ANKRD6: variants seen among roughly 807,000 people sequenced by gnomAD.
ANKRD6 encodes ankyrin repeat domain-containing protein 6.
ANKRD6 carries 56 observed loss-of-function variants against 82.3 expected under a neutral mutation model. The observed-to-expected ratio is 0.68, with a 90% CI of 0.55 to 0.85. The LOEUF is 0.85. Ranked by LOEUF, ANKRD6 falls within the 40% of genes least tolerant of loss-of-function variation. The pLI is 0.00. For missense variants in ANKRD6, 852 were observed against 907.6 expected (o/e 0.94, Z 0.79); for synonymous variants, 347 against 352.1 (o/e 0.99, Z 0.16).
chr6:89,488,184 A>G (rs991447687), intron 1 of ANKRD6, among the ~76,000 whole-genome samples: 3 of 152,232 alleles, frequency 2.0e-5, no homozygotes, highest in African/African-American at 7.2e-5. Flanking sequence ...CTTCACCTGT[A>G]TCCAGTGCAG....
At chr6:89,524,354 G>A (rs749461672) in intron 1 of ANKRD6, among the ~76,000 whole-genome samples, 3 of 151,666 alleles carry the variant, frequency 2.0e-5, no homozygotes, top group East Asian at 1.9e-4. Context: ...TTATGTCTTC[G>A]TGTCCTTAGC....
chr6:89,540,538 G>T (rs569604435), intron 1 of ANKRD6, among the ~76,000 whole-genome samples: 6 of 152,250 alleles, frequency 3.9e-5, no homozygotes, highest in Admixed American at 3.9e-4. Context: ...CCCTTGTCAG[G>T]TGGATAGTTT....
intron 1 of ANKRD6, among the ~76,000 whole-genome samples, chr6:89,517,903 CT>C (rs996888793): frequency 6.6e-6 from 1 of 152,184 alleles, no homozygotes; most frequent in African/African-American, 2.4e-5. Flanking sequence ...AGTTGCTTGA[CT>C]TTTTTGGATA....
intron 1 of ANKRD6, among the ~76,000 whole-genome samples, chr6:89,437,318 A>G (rs922114875): frequency 6.6e-6 from 1 of 151,994 alleles, no homozygotes; most frequent in Non-Finnish European, 1.5e-5. Context: ...GATAAGCCCG[A>G]CCAGTTCTTT....
intron 1 of ANKRD6, among the ~76,000 whole-genome samples, chr6:89,542,906 C>T (rs1387752151): frequency 6.6e-6 from 1 of 152,162 alleles, no homozygotes; most frequent in African/African-American, 2.4e-5. Flanking sequence ...CATTTTTGTT[C>T]TTCCTGTTTA....
intron 2 of ANKRD6, among the ~76,000 whole-genome samples, chr6:89,570,700 C>G (rs1371805671): frequency 1.3e-5 from 2 of 152,220 alleles, no homozygotes; most frequent in Non-Finnish European, 2.9e-5. Flanking sequence ...TCAAGATTCA[C>G]TCATGTAGCA....
chr6:89,491,282 T>TCCCTTCTGTAATTG, intron 1 of ANKRD6, among the ~76,000 whole-genome samples: 1 of 152,242 alleles, frequency 6.6e-6, no homozygotes, highest in Admixed American at 6.5e-5. Flanking sequence ...ACAGAAGGGA[T>TCCCTTCTGTAATTG]GGTGTTGGGA....
chr6:89,589,943 G>C (rs559009648), intron 2 of ANKRD6, among the ~76,000 whole-genome samples: 4 of 152,160 alleles, frequency 2.6e-5, no homozygotes, highest in Admixed American at 1.3e-4. Context: ...CACCCCTGCC[G>C]GCCTCAGATG....
chr6:89,623,901 A>G lies in ANKRD6; in HGVS notation c.1062A>G (p.Pro354=). ...CAGCATTTTCTGACCCCACCCCACC[A>G]GCCGACCAACAGCCTGGACACCAGA... ...KVSAFSDPTP[P]ADQQPGHQKN... The change falls in exon 12 of 16, where the codon CCA becomes CCG. Residue 354 remains proline (P), a synonymous_variant. Coordinates refer to ENST00000339746, the MANE Select transcript of ANKRD6 (RefSeq NM_001242809.2). The G allele has an allele frequency of 6.2e-7, 1 of 1,613,732 alleles. No homozygotes were observed. Among genetic ancestry groups the G allele is most frequent in the Non-Finnish European group, 8.5e-7 (1 of 1,179,778 alleles).
At chr6:89,499,784 C>A (rs375864791) in intron 1 of ANKRD6, among the ~76,000 whole-genome samples, 1 of 152,178 alleles carries the variant, frequency 6.6e-6, no homozygotes, top group African/African-American at 2.4e-5. Context: ...AACACCCTCA[C>A]GGTCCCCTTT....
At chr6:89,624,481 A>G (rs1332505220) in intron 12 of ANKRD6, 58 bp from the exon 13 acceptor site, 13 of 1,539,098 alleles carry the variant, frequency 8.4e-6, no homozygotes, top group Non-Finnish European at 1.1e-5. Flanking sequence ...ATGGTGCTCA[A>G]AACATACCTG....
At position 89,433,552 on chromosome 6, in the gene ANKRD6, A is replaced by C. The variant is rs993065290; in HGVS notation, c.-144+177A>C. On this transcript the variant is annotated intron_variant, in intron 1 of 15. Coordinates refer to ENST00000339746, the MANE Select transcript of ANKRD6 (RefSeq NM_001242809.2). The surrounding 1 kb of genome is among the most constrained non-coding windows in gnomAD (Gnocchi z 4.3). ...CTCGCCCCCTGGCCTGCGGCCTCCG[A>C]AAACGCCCGGCGCGAGGGGGTCCCC... 2.6e-5 allele frequency among the ~76,000 whole-genome samples: 4 copies of C among 151,872 alleles called. No homozygotes were observed. Among genetic ancestry groups the C allele is most frequent in the African/African-American group, 9.7e-5 (4 of 41,344 alleles).
chr6:89,500,056 T>C (rs1350551571), intron 1 of ANKRD6, among the ~76,000 whole-genome samples: 2 of 152,180 alleles, frequency 1.3e-5, no homozygotes, highest in Admixed American at 1.3e-4. Flanking sequence ...ACCCCAGTTT[T>C]ATGAGGCCTG....
intron 10 of ANKRD6, among the ~76,000 whole-genome samples, chr6:89,622,982 T>C (rs1804060448): frequency 8.1e-6 from 1 of 122,892 alleles, no homozygotes; most frequent in Non-Finnish European, 1.6e-5. Flanking sequence ...TTCTTACTCT[T>C]TGCCATGAGT....
At chr6:89,553,049 G>A (rs1786062159) in intron 1 of ANKRD6, among the ~76,000 whole-genome samples, 1 of 152,174 alleles carries the variant, frequency 6.6e-6, no homozygotes, top group South Asian at 2.1e-4. Context: ...ACCTAACCTG[G>A]ACATGCATGT....
chr6:89,446,979 G>A (rs140085967), intron 1 of ANKRD6, among the ~76,000 whole-genome samples: 4 of 152,246 alleles, frequency 2.6e-5, no homozygotes, highest in East Asian at 3.9e-4. Context: ...CCAGCCCTGC[G>A]GAACTGAGTC....
chr6:89,571,922 T>C (rs949613721), intron 2 of ANKRD6, among the ~76,000 whole-genome samples: 2 of 152,218 alleles, frequency 1.3e-5, no homozygotes, highest in African/African-American at 4.8e-5. Context: ...CACCTATTTA[T>C]CCCCTTCCCT....
intron 1 of ANKRD6, among the ~76,000 whole-genome samples, chr6:89,557,395 A>G (rs976107904): frequency 2.0e-5 from 3 of 152,164 alleles, no homozygotes; most frequent in African/African-American, 7.2e-5. Context: ...AAAAGCATTC[A>G]GTGGAAGAAA....
intron 7 of ANKRD6, among the ~76,000 whole-genome samples, chr6:89,614,499 A>G (rs2128224913): frequency 6.6e-6 from 1 of 152,282 alleles, no homozygotes; most frequent in East Asian, 1.9e-4. Context: ...TACAAAAATT[A>G]GCCAGGCGTG....
Sources: gnomAD v4.1 joint callset for allele counts (sites outside exome capture counted in the v4.1 genomes callset) on GRCh38, gnomAD v4.1.1 for gene constraint, Gnocchi (gnomAD v3.1) non-coding constraint, MANE v1.5 for transcripts, NCBI Gene and HGNC (gene_info 2026-07-23, HGNC 2026-07-21) for gene names.